TMOD2: variants seen among roughly 807,000 people sequenced by gnomAD.
TMOD2 encodes tropomodulin-2.
A neutral mutation model predicts 39.9 loss-of-function variants in TMOD2; 22 were observed. The ratio of observed to expected loss-of-function variants is 0.55; its 90% CI spans 0.39 to 0.79. The LOEUF (loss-of-function observed/expected upper bound fraction) is 0.79. Ranked by LOEUF, TMOD2 falls within the 30% of genes least tolerant of loss-of-function variation. The pLI, the probability that TMOD2 is intolerant of heterozygous loss-of-function variation, is 0.00. For missense variants in TMOD2, 386 were observed against 413.3 expected (o/e 0.93, Z 0.57); for synonymous variants, 123 against 146.1 (o/e 0.84, Z 1.14).
intron 7 of TMOD2, among the ~76,000 whole-genome samples, chr15:51,788,906 C>T (rs540052697): frequency 7.2e-5 from 11 of 152,250 alleles, no homozygotes; most frequent in African/African-American, 2.2e-4. Flanking sequence ...CAAAAACATG[C>T]CAAATTGTAA....
Position 51,773,773 on chromosome 15 carries a change from T to TGAA in TMOD2, c.347_348insAGA (p.Leu115_Asp116insGlu). 1 of 1,613,756 alleles carries TGAA rather than the reference T, an allele frequency of 6.2e-7. No homozygotes were observed. Among genetic ancestry groups the TGAA allele is most frequent in the Non-Finnish European group, 8.5e-7 (1 of 1,179,840 alleles). ...CTCGTAAAGAAGAAAAAGTGACCCT[T>TGAA]GACCCAGAACTGGAAGAAGCTTTGG... On this transcript the variant is annotated inframe_insertion, in exon 4 of 10. Transcript: ENST00000249700.
intron 1 of TMOD2, among the ~76,000 whole-genome samples, chr15:51,762,163 AT>A (rs1244906233): frequency 4.6e-5 from 7 of 151,670 alleles, no homozygotes; most frequent in Non-Finnish European, 5.9e-5. Context: ...AAAAAAAAAA[AT>A]ACAAATTTTT....
chr15:51,783,515 C>T (rs1263930402), intron 7 of TMOD2: 1 of 151,778 alleles, frequency 6.6e-6, no homozygotes, highest in East Asian at 1.9e-4. Context: ...ATATTTTAAT[C>T]TTTGAAATGG....
intron 7 of TMOD2, among the ~76,000 whole-genome samples, chr15:51,795,706 T>G (rs1315448322): frequency 1.3e-5 from 2 of 151,634 alleles, no homozygotes; most frequent in Non-Finnish European, 2.9e-5. Flanking sequence ...CTTAAGGTTT[T>G]CTCATAATTT....
intron 1 of TMOD2, among the ~76,000 whole-genome samples, chr15:51,760,879 T>C (rs956649494): frequency 2.0e-5 from 3 of 151,876 alleles, no homozygotes; most frequent in Non-Finnish European, 2.9e-5. Context: ...AAGTAACATA[T>C]AGATGTGAGG....
Position 51,808,444 on chromosome 15 carries a change from A to C in TMOD2, c.1046A>C (p.Asp349Ala), listed in dbSNP as rs758385185. 3 of 1,612,780 alleles carry C rather than the reference A, an allele frequency of 1.9e-6. No homozygotes were observed. Among genetic ancestry groups the C allele is most frequent in the Non-Finnish European group, 2.5e-6 (3 of 1,179,288 alleles). ...DLVRKKRVEA[D>A]RR ...GTTCGTAAGAAGAGAGTTGAAGCAG[A>C]CCGAAGGTAAACTTCCTTGAGGAGA... Residue 349 changes from aspartate to alanine, a missense_variant, in exon 10 of 10, where the codon GAC (aspartate) becomes GCC (alanine). Physicochemically the swap from Asp to Ala is moderately radical, Grantham distance 126. Transcript: ENST00000249700.
intron 7 of TMOD2, among the ~76,000 whole-genome samples, chr15:51,794,515 G>T (rs957805333): frequency 3.9e-5 from 6 of 152,172 alleles, no homozygotes; most frequent in South Asian, 2.1e-4. Context: ...AGGAGTTCGA[G>T]ACCAGCCTGG....
intron 1 of TMOD2, among the ~76,000 whole-genome samples, chr15:51,759,902 G>T (rs146779750): frequency 0.027 from 4,103 of 152,336 alleles, 80 homozygotes; most frequent in Middle Eastern, 0.13. Context: ...CCAGGGGCAG[G>T]CAGCTGTATG....
rs948115486 is a variant in TMOD2 at position 51,809,471 on chromosome 15, A to G, written c.*1017A>G. ...TATATGATCCATCCAGACATTTGCAAACGTCAGGAGAAAAATGTGAATTAT... is the reference window on the plus strand; with the variant it reads ...TATATGATCCATCCAGACATTTGCAGACGTCAGGAGAAAAATGTGAATTAT... On this transcript the variant is annotated 3_prime_UTR_variant, in exon 10 of 10. Coordinates refer to ENST00000249700, the MANE Select transcript of TMOD2 (RefSeq NM_014548.4). 3.9e-5 allele frequency: 6 copies of G among 152,450 alleles called. No homozygotes were observed. Among genetic ancestry groups the G allele is most frequent in the African/African-American group, 1.4e-4 (6 of 41,472 alleles). The allele number at this position is 152,450 out of a possible 1,614,324, so 9.4% of individuals were successfully genotyped here. A position where few individuals can be genotyped will look rare whatever the true frequency, so the allele number is the denominator to read the frequency against.
chr15:51,808,691 G>A lies in TMOD2; in HGVS notation c.*237G>A. On this transcript the variant is annotated 3_prime_UTR_variant, in exon 10 of 10. Coordinates refer to ENST00000249700, the MANE Select transcript of TMOD2 (RefSeq NM_014548.4). ...GCAACTTGACAAATGGACCGATGCA[G>A]ATTTTAGAGAGTGACGACATGGAAA... 1 of 372,454 alleles carries A rather than the reference G, an allele frequency of 2.7e-6. No individual in the cohort carries two copies. The highest frequency in any genetic ancestry group is 4.8e-6 in the Non-Finnish European group (1 of 207,580). 23.1% of individuals were successfully genotyped at this position (372,454 alleles called of 1,614,324 possible). A position where few individuals can be genotyped will look rare whatever the true frequency, so the allele number is the denominator to read the frequency against.
In TMOD2 at chr15:51,810,936, G is replaced by C. The variant is rs1773045723; in HGVS notation, c.*2482G>C. The C allele has an allele frequency of 6.6e-6, 1 of 152,100 alleles. No homozygotes were observed. The highest frequency in any genetic ancestry group is 1.5e-5 in the Non-Finnish European group (1 of 68,022). 9.4% of individuals were successfully genotyped at this position (152,100 alleles called of 1,614,324 possible). ...CATGGCTGTTTCTTTTGTACAAGCA[G>C]TTGTTGATAGTATTAAAGCAAGATA... is the stretch of plus-strand genomic sequence containing the variant. On this transcript the variant is annotated 3_prime_UTR_variant, in exon 10 of 10. Coordinates refer to ENST00000249700, the MANE Select transcript of TMOD2 (RefSeq NM_014548.4).
chr15:51,777,229 A>G (rs1163817620), intron 5 of TMOD2, among the ~76,000 whole-genome samples: 2 of 152,144 alleles, frequency 1.3e-5, no homozygotes, highest in Admixed American at 6.5e-5. Context: ...GTTGCCCAGA[A>G]CACTTTCTTG....
chr15:51,786,439 T>C (rs1221856325), intron 7 of TMOD2, among the ~76,000 whole-genome samples: 2 of 152,240 alleles, frequency 1.3e-5, no homozygotes, highest in Admixed American at 1.3e-4. Context: ...TATTCTGATA[T>C]ATTTTTAGAA....
intron 1 of TMOD2, among the ~76,000 whole-genome samples, chr15:51,761,094 A>G (rs2055777609): frequency 6.6e-6 from 1 of 152,202 alleles, no homozygotes; most frequent in African/African-American, 2.4e-5. Context: ...GTTCTTAACC[A>G]GGGAAGTGGC....
rs552571580 is a variant in TMOD2, at chr15:51,786,498, A to G, written c.732+3670A>G. ...CATCCGTTTAGACATGTCCCCATTT[A>G]AGGCTGTTTGGCATTCAATCAGAAA... On this transcript the variant is annotated intron_variant, in intron 7 of 9. Transcript: ENST00000249700. Among the ~76,000 whole-genome samples, 19 of 152,304 alleles carry G rather than the reference A, an allele frequency of 1.2e-4. No homozygotes were observed. In the South Asian group the frequency reaches 3.1e-3, roughly 25 times the overall value.
chr15:51,764,623 C>T lies in TMOD2; in HGVS notation c.-69-1750C>T, dbSNP rs184284243. 2.4e-4 allele frequency among the ~76,000 whole-genome samples: 36 copies of T among 152,278 alleles called. 1 individual carries two copies. Among genetic ancestry groups the T allele is most frequent in the African/African-American group, 7.9e-4 (33 of 41,552 alleles). On this transcript the variant is annotated intron_variant, in intron 1 of 9. Coordinates refer to ENST00000249700, the MANE Select transcript of TMOD2 (RefSeq NM_014548.4). ...ATAAAGTTCAGGTCCCTTAGCAAGG[C>T]GCAGAAGGAAGGCCCTTCACAGATG...
At position 51,806,530 on chromosome 15, in the gene TMOD2, G is replaced by A. The variant is rs976237849; in HGVS notation, c.1021+9G>A. The A allele has an allele frequency of 2.5e-6, 4 of 1,614,020 alleles. No individual in the cohort carries two copies. Among genetic ancestry groups the A allele is most frequent in the Non-Finnish European group, 3.4e-6 (4 of 1,179,948 alleles). On this transcript the variant is annotated intron_variant, in intron 9 of 9. Coordinates refer to ENST00000249700, the MANE Select transcript of TMOD2 (RefSeq NM_014548.4). ...AAAGAATAATGACCTGGGTAATTCA[G>A]CCATAATATTTGCTGTTAACAATTA... is the stretch of plus-strand genomic sequence containing the variant.
chr15:51,767,129 G>C (rs1037979967), intron 2 of TMOD2: 1 of 151,918 alleles, frequency 6.6e-6, no homozygotes, highest in Non-Finnish European at 1.5e-5. Context: ...AGATTCAAGC[G>C]ATTCTCCTAC....
intron 7 of TMOD2, among the ~76,000 whole-genome samples, chr15:51,785,148 C>T (rs538820858): frequency 1.3e-5 from 2 of 151,198 alleles, no homozygotes; most frequent in Middle Eastern, 6.8e-3. Flanking sequence ...CGCGGTGGCT[C>T]ACGCCTGTAA....
Sources: allele counts gnomAD v4.1 joint callset (sites outside exome capture counted in the v4.1 genomes callset), GRCh38; gene constraint gnomAD v4.1.1; transcripts MANE v1.5; gene names NCBI Gene and HGNC (gene_info 2026-07-23, HGNC 2026-07-21).